SPIRE2: variants seen among roughly 807,000 people sequenced by gnomAD.
SPIRE2 encodes the protein spire type actin nucleation factor 2.
SPIRE2 carries 76 observed loss-of-function variants against 80.7 expected under a neutral mutation model. The ratio of observed to expected loss-of-function variants is 0.94; its 90% CI spans 0.78 to 1.14. SPIRE2 has a LOEUF of 1.14. Ranked by LOEUF, SPIRE2 falls within the 50% of genes most tolerant of loss-of-function variation. SPIRE2 has a pLI of 0.00. For missense variants in SPIRE2, 1,196 were observed against 1,015.3 expected (o/e 1.18, Z -2.42); for synonymous variants, 535 against 432.6 (o/e 1.24, Z -2.94).
intron 9 of SPIRE2, among the ~76,000 whole-genome samples, chr16:89,860,288 T>C (rs1461886746): frequency 6.6e-6 from 1 of 152,164 alleles, no homozygotes; most frequent in African/African-American, 2.4e-5. Flanking sequence ...AGACAAGGTC[T>C]TGCTCTGCTG....
intron 1 of SPIRE2, among the ~76,000 whole-genome samples, chr16:89,838,606 A>G (rs934326210): frequency 1.4e-4 from 22 of 152,174 alleles, no homozygotes; most frequent in African/African-American, 5.3e-4. Flanking sequence ...TGTTTGCCCC[A>G]GACCACCAGG....
intron 4 of SPIRE2, 44 bp downstream of exon 4, chr16:89,854,410 C>G: frequency 6.2e-7 from 1 of 1,610,678 alleles, no homozygotes; most frequent in Non-Finnish European, 8.5e-7. Flanking sequence ...CGCGGCCCAG[C>G]CTGCCAAGGG....
rs2143767403 is a variant in SPIRE2, at chr16:89,828,499, C to T, written c.-52C>T. 2.0e-6 allele frequency: 2 copies of T among 1,001,310 alleles called. No homozygotes were observed. Among genetic ancestry groups the T allele is most frequent in the Non-Finnish European group, 2.4e-6 (2 of 841,860 alleles). The allele number at this position is 1,001,310 out of a possible 1,614,324, so 62.0% of individuals were successfully genotyped here. On this transcript the variant is annotated 5_prime_UTR_variant, in exon 1 of 15. Transcript: ENST00000378247. This position sits in a 1 kb window ranked among gnomAD's most constrained non-coding sequence, Gnocchi z 5.9. ...CAGGCTGACCCTGCGCGGCGGAAGG[C>T]GCGGCTGCATGGACGCGGGTCCGGC... is the stretch of plus-strand genomic sequence containing the variant.
chr16:89,854,358 A>G lies in SPIRE2; in HGVS notation c.718A>G (p.Thr240Ala). 6.2e-7 allele frequency: 1 copy of G among 1,612,384 alleles called. No individual in the cohort carries two copies. Among genetic ancestry groups the G allele is most frequent in the African/African-American group, 1.3e-5 (1 of 75,062 alleles). Residue 240 changes from threonine to alanine, a missense_variant, in exon 4 of 15, where the codon ACA (threonine) becomes GCA (alanine). Physicochemically the swap from Thr to Ala is moderately conservative, Grantham distance 58. Transcript: ENST00000378247. ...PRAELDSLGH[T>A]DWARLWVQLM... ...GGCAGAGCTGGACAGCCTGGGTCAC[A>G]CAGACTGGGTAAGGCTCACTCCCAC...
chr16:89,847,854 C>T (rs1348093632), intron 2 of SPIRE2, among the ~76,000 whole-genome samples: 3 of 152,224 alleles, frequency 2.0e-5, no homozygotes, highest in Admixed American at 1.3e-4. Flanking sequence ...TGGACGCAGC[C>T]TTCAGATAAG....
At chr16:89,869,051 A>AAAAAAAACATATATAT in intron 13 of SPIRE2, among the ~76,000 whole-genome samples, 1 of 30,578 alleles carries the variant, frequency 3.3e-5, no homozygotes, top group African/African-American at 2.2e-4. Flanking sequence ...AAAAAAAAAA[A>AAAAAAAACATATATAT]AAATATATAT....
At chr16:89,838,780 G>T (rs1354934396) in intron 1 of SPIRE2, among the ~76,000 whole-genome samples, 1 of 152,202 alleles carries the variant, frequency 6.6e-6, no homozygotes, top group African/African-American at 2.4e-5. Context: ...CTGTGCAGCA[G>T]GCAGGTGGCT....
At chr16:89,837,242 C>T (rs2041459017) in intron 1 of SPIRE2, among the ~76,000 whole-genome samples, 1 of 152,124 alleles carries the variant, frequency 6.6e-6, no homozygotes, top group African/African-American at 2.4e-5. Context: ...AACAAGTTCC[C>T]TGGTCTGCTG....
chr16:89,841,173 C>T (rs2041502534), intron 1 of SPIRE2, among the ~76,000 whole-genome samples: 1 of 148,930 alleles, frequency 6.7e-6, no homozygotes, highest in South Asian at 2.1e-4. Context: ...GACAGAGCAA[C>T]ACCTTGTTTC....
intron 1 of SPIRE2, among the ~76,000 whole-genome samples, chr16:89,833,652 G>A (rs1242989991): frequency 2.6e-5 from 4 of 152,206 alleles, no homozygotes; most frequent in Non-Finnish European, 4.4e-5. Context: ...TGGTGCTAAC[G>A]TCTGTGCAGC....
At chr16:89,865,135 T>A (rs1472854204) in intron 12 of SPIRE2, among the ~76,000 whole-genome samples, 1 of 151,468 alleles carries the variant, frequency 6.6e-6, no homozygotes, top group African/African-American at 2.4e-5. Flanking sequence ...GCTTCCCGAG[T>A]AGCTGGGTCT....
At chr16:89,842,660 G>A (rs2041516384) in intron 1 of SPIRE2, among the ~76,000 whole-genome samples, 1 of 152,238 alleles carries the variant, frequency 6.6e-6, no homozygotes, top group African/African-American at 2.4e-5. Context: ...GGCACTGAAG[G>A]GCCAGCCGGC....
At position 89,863,583 on chromosome 16, in the gene SPIRE2, G is replaced by T. The variant is rs773362378; in HGVS notation, c.1683G>T (p.Glu561Asp). The T allele has an allele frequency of 6.2e-7, 1 of 1,614,010 alleles. No homozygotes were observed. The highest frequency in any genetic ancestry group is 8.5e-7 in the Non-Finnish European group (1 of 1,180,044). ...TGGAAAAGTTTTTGCAGAACAAGGA[G>T]CTCTTCAGCAGTCTGAAGAAGGGGA... Reference protein sequence around the residue: ...AEMEKFLQNKELFSSLKKGKI... With the variant: ...AEMEKFLQNKDLFSSLKKGKI... The change falls in exon 11 of 15, where the codon GAG becomes GAT. Residue 561 changes from glutamate to aspartate, a missense_variant. Glu to Asp is a conservative substitution (Grantham distance 45). Transcript: ENST00000378247. The surrounding 1 kb of genome is among the most constrained non-coding windows in gnomAD (Gnocchi z 4.3).
At chr16:89,840,245 CTTTTT>C (rs778083127) in intron 1 of SPIRE2, among the ~76,000 whole-genome samples, 3 of 133,272 alleles carry the variant, frequency 2.3e-5, no homozygotes, top group Non-Finnish European at 4.8e-5. Flanking sequence ...AACCTGTCAT[CTTTTT>C]TTTTTTTTTT....
At position 89,849,999 on chromosome 16, in the gene SPIRE2, A is replaced by G. The variant is rs904232031; in HGVS notation, c.289-305A>G. 29 of 447,596 alleles carry G rather than the reference A, an allele frequency of 6.5e-5. No homozygotes were observed. In the Middle Eastern group the frequency reaches 1.7e-3, roughly 27 times the overall value. The allele number at this position is 447,596 out of a possible 1,614,324, so 27.7% of individuals were successfully genotyped here. On this transcript the variant is annotated intron_variant, in intron 2 of 14. Coordinates refer to ENST00000378247, the MANE Select transcript of SPIRE2 (RefSeq NM_032451.2). ...ATTTCAGGCGTGCACCACCACGCCC[A>G]GCTAATTTTTGTATTTTTAGTAGAG...
intron 5 of SPIRE2, among the ~76,000 whole-genome samples, chr16:89,854,954 T>C (rs1414793819): frequency 1.3e-5 from 2 of 152,096 alleles, no homozygotes; most frequent in Admixed American, 6.5e-5. Flanking sequence ...TTTTTTCTTT[T>C]TTGAGACGGA....
intron 1 of SPIRE2, among the ~76,000 whole-genome samples, chr16:89,838,263 A>C (rs1267463027): frequency 2.0e-5 from 3 of 150,744 alleles, no homozygotes; most frequent in Non-Finnish European, 4.4e-5. Flanking sequence ...GCTCACTGCA[A>C]ACTCCACCTC....
In SPIRE2 at chr16:89,870,177, C is replaced by T. The variant is rs558310194; in HGVS notation, c.2050C>T (p.Arg684Cys). 25 of 1,610,742 alleles carry T rather than the reference C, an allele frequency of 1.6e-5. No homozygotes were observed. Among genetic ancestry groups the T allele is most frequent in the South Asian group, 3.3e-5 (3 of 90,372 alleles). Residue 684 changes from arginine (R) to cysteine (C), a missense_variant, in exon 15 of 15, where the codon CGC becomes TGC. Physicochemically the swap from Arg to Cys is radical, Grantham distance 180 (BLOSUM62 -3). Transcript: ENST00000378247. ...SFVADVVRSSRKSVDVLNTTP... is the reference protein window; with the variant it reads ...SFVADVVRSSCKSVDVLNTTP... ...TGTGGCAGACGTGGTGCGTTCCAGC[C>T]GCAAGAGCGTGGACGTCCTCAACAC...
intron 1 of SPIRE2, among the ~76,000 whole-genome samples, chr16:89,831,703 C>T (rs1355009578): frequency 6.6e-6 from 1 of 151,198 alleles, no homozygotes; most frequent in Non-Finnish European, 1.5e-5. Context: ...GGCCTGGATG[C>T]TAAACTTTTT....
Sources: gnomAD v4.1 joint callset for allele counts (sites outside exome capture counted in the v4.1 genomes callset) on GRCh38, gnomAD v4.1.1 for gene constraint, Gnocchi (gnomAD v3.1) non-coding constraint, MANE v1.5 for transcripts, NCBI Gene and HGNC (gene_info 2026-07-23, HGNC 2026-07-21) for gene names.